RAD51B: variants seen among roughly 807,000 people sequenced by gnomAD.
The protein encoded by RAD51B is DNA repair protein RAD51 homolog 2.
In RAD51B, 38 loss-of-function variants were observed where a neutral mutation model predicts 42.2. The ratio of observed to expected loss-of-function variants is 0.90; its 90% CI spans 0.70 to 1.18. The LOEUF is 1.18. RAD51B is among the 50% of genes most tolerant of loss of function. RAD51B has a pLI of 0.00. For missense variants in RAD51B, 373 were observed against 400.7 expected, an observed-to-expected ratio of 0.93 and a Z score of 0.59; for synonymous variants, 154 against 145.2, an observed-to-expected ratio of 1.06 and a Z score of -0.43.
intron 7 of RAD51B, among the ~76,000 whole-genome samples, chr14:68,045,549 C>T (rs1188538840): frequency 6.6e-6 from 1 of 152,078 alleles, no homozygotes; most frequent in Non-Finnish European, 1.5e-5. Flanking sequence ...AAACAAAACC[C>T]AGTGAGGATC....
At chr14:68,015,894 C>G (rs375283070) in intron 7 of RAD51B, among the ~76,000 whole-genome samples, 11 of 152,324 alleles carry the variant, frequency 7.2e-5, no homozygotes, top group African/African-American at 2.6e-4. Context: ...TTTTATGGAA[C>G]TTTTACAGTT....
At chr14:67,846,178 G>A (rs564920322) in intron 4 of RAD51B, among the ~76,000 whole-genome samples, 93 of 152,284 alleles carry the variant, frequency 6.1e-4, no homozygotes, top group Non-Finnish European at 1.1e-3. Context: ...GTGCTGGTGG[G>A]TGCGGCGCTG....
intron 8 of RAD51B, among the ~76,000 whole-genome samples, chr14:68,304,665 C>T (rs1194630356): frequency 6.6e-6 from 1 of 152,230 alleles, no homozygotes; most frequent in Non-Finnish European, 1.5e-5. Flanking sequence ...GACTTGTATT[C>T]AAGGACCAGC....
intron 8 of RAD51B, among the ~76,000 whole-genome samples, chr14:68,379,931 TATAAAC>T (rs1039596417): frequency 2.6e-5 from 4 of 152,252 alleles, no homozygotes; most frequent in Admixed American, 6.5e-5. Flanking sequence ...CTGTGGTATC[TATAAAC>T]ATAGAGTGTG....
chr14:68,149,617 A>T (rs192302426), intron 7 of RAD51B: 1 of 152,302 alleles, frequency 6.6e-6, no homozygotes, highest in East Asian at 1.9e-4. Flanking sequence ...GTATTCATTT[A>T]AGAGATGAGG....
At chr14:68,673,958 C>G (rs924005016) in intron 11 of RAD51B, among the ~76,000 whole-genome samples, 6 of 151,022 alleles carry the variant, frequency 4.0e-5, no homozygotes, top group Non-Finnish European at 7.4e-5. Context: ...ACACACACAT[C>G]TATACATGCA....
At chr14:68,494,940 G>A (rs915341769) in intron 10 of RAD51B, among the ~76,000 whole-genome samples, 10 of 152,160 alleles carry the variant, frequency 6.6e-5, no homozygotes, top group African/African-American at 1.9e-4. Context: ...GCTCCACAGC[G>A]CATCAGTTCT....
At chr14:68,236,305 C>T (rs948901944) in intron 7 of RAD51B, 4 of 152,170 alleles carry the variant, frequency 2.6e-5, no homozygotes, top group East Asian at 3.8e-4. Flanking sequence ...GGTGCATTTC[C>T]GCTACTGATC....
chr14:68,414,188 C>T (rs979828195), intron 9 of RAD51B, among the ~76,000 whole-genome samples: 1 of 152,100 alleles, frequency 6.6e-6, no homozygotes, highest in Non-Finnish European at 1.5e-5. Flanking sequence ...TTCTTTACAC[C>T]CTGGAAACTT....
At chr14:68,210,717 G>A (rs1467514038) in intron 7 of RAD51B, among the ~76,000 whole-genome samples, 2 of 152,074 alleles carry the variant, frequency 1.3e-5, no homozygotes, top group Non-Finnish European at 2.9e-5. Flanking sequence ...GAAAATACTT[G>A]GGAAGAAGTG....
chr14:68,161,138 G>A (rs534263494), intron 7 of RAD51B, among the ~76,000 whole-genome samples: 23 of 152,232 alleles, frequency 1.5e-4, no homozygotes, highest in African/African-American at 5.1e-4. Flanking sequence ...GTTTGAGATA[G>A]GCACTTTATA....
Position 67,847,519 on chromosome 14 carries a change from G to A in RAD51B, c.315+12323G>A, listed in dbSNP as rs78993513. ...AATATCAAATAATTTTTTGACTTCCGCCTTAATTTCTTGTTCACCCAGGAG... is the reference window on the plus strand; with the variant it reads ...AATATCAAATAATTTTTTGACTTCCACCTTAATTTCTTGTTCACCCAGGAG... On this transcript the variant is annotated intron_variant, in intron 4 of 10. Transcript: ENST00000471583. 9.9e-3 allele frequency among the ~76,000 whole-genome samples: 1,511 copies of A among 151,880 alleles called. 51 individuals are homozygous for A. The East Asian group carries it at 0.12, about 12-fold the overall frequency.
chr14:67,862,419 C>CAA (rs753212601), intron 4 of RAD51B, among the ~76,000 whole-genome samples: 4 of 117,186 alleles, frequency 3.4e-5, no homozygotes, highest in South Asian at 2.7e-4. Flanking sequence ...TAAATGTAAG[C>CAA]AAAAAAAAAA....
At chr14:68,420,413 T>A (rs77676291) in intron 9 of RAD51B, among the ~76,000 whole-genome samples, 1 of 152,096 alleles carries the variant, frequency 6.6e-6, no homozygotes, top group Non-Finnish European at 1.5e-5. Context: ...CCCGAAGAGC[T>A]GCTGGCTCGC....
At chr14:68,439,311 T>G (rs2085227239) in intron 9 of RAD51B, among the ~76,000 whole-genome samples, 1 of 152,032 alleles carries the variant, frequency 6.6e-6, no homozygotes. Flanking sequence ...TGGGCTCTAG[T>G]AACAGCATCT....
intron 8 of RAD51B, among the ~76,000 whole-genome samples, chr14:68,356,540 T>A (rs894897715): frequency 1.2e-5 from 1 of 85,884 alleles, no homozygotes; most frequent in Non-Finnish European, 2.5e-5. Context: ...TTAAAATACT[T>A]AATTGCTAAA....
chr14:68,262,507 A>C (rs1957570), intron 7 of RAD51B, among the ~76,000 whole-genome samples: 63,953 of 152,016 alleles, frequency 0.42, 17,429 homozygotes, highest in African/African-American at 0.78. Context: ...AAGGTTTTTA[A>C]CAGGTGCAGT....
intron 7 of RAD51B, among the ~76,000 whole-genome samples, chr14:67,965,725 T>G (rs1310533781): frequency 6.6e-6 from 1 of 152,158 alleles, no homozygotes; most frequent in Admixed American, 6.5e-5. Context: ...GAGCTTGCTA[T>G]GTAATTGTGC....
At chr14:68,488,090 A>G (rs1883768609) in intron 10 of RAD51B, among the ~76,000 whole-genome samples, 1 of 152,136 alleles carries the variant, frequency 6.6e-6, no homozygotes, top group Non-Finnish European at 1.5e-5. Flanking sequence ...GTGGATGGAT[A>G]CATGAATGGA....
Sources: allele counts gnomAD v4.1 joint callset (sites outside exome capture counted in the v4.1 genomes callset), GRCh38; gene constraint gnomAD v4.1.1; transcripts MANE v1.5; gene names NCBI Gene and HGNC (gene_info 2026-07-23, HGNC 2026-07-21).